CNTN5: variants seen among roughly 807,000 people sequenced by gnomAD.
The protein encoded by CNTN5 is contactin 5.
CNTN5 carries 77 observed loss-of-function variants against 129.1 expected under a neutral mutation model. That is an observed-to-expected ratio of 0.60 (90% CI 0.50 to 0.72). The LOEUF (loss-of-function observed/expected upper bound fraction) is 0.72. Ranked by LOEUF, CNTN5 falls within the 30% of genes least tolerant of loss-of-function variation. The pLI, the probability that CNTN5 is intolerant of heterozygous loss-of-function variation, is 0.00. For synonymous variants in CNTN5, 509 were observed against 465.6 expected (o/e 1.09, Z -1.20); for missense variants, 1,478 against 1,328.8 (o/e 1.11, Z -1.75).
At chr11:99,110,527 G>A (rs1591206981) in intron 1 of CNTN5, among the ~76,000 whole-genome samples, 1 of 152,066 alleles carries the variant, frequency 6.6e-6, no homozygotes, top group Non-Finnish European at 1.5e-5. Flanking sequence ...CAGCAAAGGT[G>A]GTACTTCTAC....
At position 99,064,328 on chromosome 11, in the gene CNTN5, A is replaced by G. The variant is rs185499074; in HGVS notation, c.-210+43058A>G. Among the ~76,000 whole-genome samples, 29 of 152,304 alleles carry G rather than the reference A, an allele frequency of 1.9e-4. No homozygotes were observed. The East Asian group carries it at 5.2e-3, about 27-fold the overall frequency. On this transcript the variant is annotated intron_variant, in intron 1 of 24. Coordinates refer to ENST00000524871, the MANE Select transcript of CNTN5 (RefSeq NM_014361.4). Reference sequence around the variant, plus strand: ...CATGATTTGCCAATTCATTCTGTGTACACATTTATAATTCTATTGGCATCA... The same window carrying G: ...CATGATTTGCCAATTCATTCTGTGTGCACATTTATAATTCTATTGGCATCA...
intron 2 of CNTN5, among the ~76,000 whole-genome samples, chr11:99,476,502 G>A (rs1397278096): frequency 6.6e-6 from 1 of 152,102 alleles, no homozygotes; most frequent in African/African-American, 2.4e-5. Context: ...ACGTAGATTT[G>A]TGATAGGAAA....
intron 3 of CNTN5, among the ~76,000 whole-genome samples, chr11:99,774,811 C>T (rs1015142624): frequency 2.6e-5 from 4 of 151,898 alleles, no homozygotes; most frequent in Non-Finnish European, 4.4e-5. Context: ...ATAATAAATC[C>T]GCTCTCCAGT....
At chr11:100,285,181 A>C (rs1950745891) in intron 18 of CNTN5, among the ~76,000 whole-genome samples, 1 of 152,252 alleles carries the variant, frequency 6.6e-6, no homozygotes, top group South Asian at 2.1e-4. Context: ...TATTAAATGG[A>C]AATTTACAAA....
At chr11:99,883,788 A>T (rs1948829972) in intron 6 of CNTN5, among the ~76,000 whole-genome samples, 1 of 152,200 alleles carries the variant, frequency 6.6e-6, no homozygotes, top group East Asian at 1.9e-4. Flanking sequence ...CCCCAAAACT[A>T]AATCAGCTTT....
chr11:100,300,417 A>T (rs1232350462), intron 20 of CNTN5, among the ~76,000 whole-genome samples: 1 of 151,498 alleles, frequency 6.6e-6, no homozygotes, highest in Non-Finnish European at 1.5e-5. Context: ...ATGACTGAGA[A>T]AATGTTCTAC....
At chr11:100,001,645 T>C (rs1939882715) in intron 8 of CNTN5, among the ~76,000 whole-genome samples, 1 of 152,242 alleles carries the variant, frequency 6.6e-6, no homozygotes, top group Admixed American at 6.5e-5. Flanking sequence ...GTGCATATTA[T>C]AGATATTCAA....
chr11:99,908,619 G>T (rs1949573668), intron 6 of CNTN5, among the ~76,000 whole-genome samples: 1 of 151,988 alleles, frequency 6.6e-6, no homozygotes, highest in African/African-American at 2.4e-5. Context: ...AGAGTTCATA[G>T]ACTATATTCA....
chr11:99,481,825 T>C (rs1023933107), intron 2 of CNTN5, among the ~76,000 whole-genome samples: 100 of 152,362 alleles, frequency 6.6e-4, no homozygotes, highest in Non-Finnish European at 1.1e-3. Flanking sequence ...ATTCTGTAGC[T>C]AAGCCTACCA....
chr11:99,925,398 G>C (rs538785773), intron 7 of CNTN5, among the ~76,000 whole-genome samples: 1 of 152,292 alleles, frequency 6.6e-6, no homozygotes, highest in East Asian at 1.9e-4. Flanking sequence ...TTAATCCTGA[G>C]CACTCAGCAA....
intron 15 of CNTN5, among the ~76,000 whole-genome samples, chr11:100,208,215 C>A (rs1233754605): frequency 1.3e-5 from 2 of 152,132 alleles, no homozygotes; most frequent in African/African-American, 4.8e-5. Flanking sequence ...ATAAACCTTG[C>A]AAAAACCTAG....
chr11:99,567,182 C>T (rs1949032651), intron 3 of CNTN5, among the ~76,000 whole-genome samples: 1 of 152,088 alleles, frequency 6.6e-6, no homozygotes, highest in Admixed American at 6.6e-5. Flanking sequence ...AGGACTGTCT[C>T]CTGTAGCAGC....
At chr11:100,086,226 T>C (rs1438875655) in intron 13 of CNTN5, among the ~76,000 whole-genome samples, 1 of 150,950 alleles carries the variant, frequency 6.6e-6, no homozygotes, top group Non-Finnish European at 1.5e-5. Flanking sequence ...ATATTTATTT[T>C]ATAGAAAAAT....
chr11:99,203,722 C>T (rs952879178), intron 1 of CNTN5, among the ~76,000 whole-genome samples: 11 of 151,972 alleles, frequency 7.2e-5, no homozygotes, highest in African/African-American at 1.5e-4. Context: ...ATAGGCCTCC[C>T]GAGTAGCTGG....
intron 1 of CNTN5, among the ~76,000 whole-genome samples, chr11:99,299,791 T>A (rs1186330485): frequency 6.6e-6 from 1 of 152,200 alleles, no homozygotes. Context: ...CACATTTTTT[T>A]AATCCAATCA....
intron 2 of CNTN5, among the ~76,000 whole-genome samples, chr11:99,466,990 A>G (rs1405922075): frequency 6.6e-6 from 1 of 152,188 alleles, no homozygotes; most frequent in Non-Finnish European, 1.5e-5. Context: ...GAATGTATTT[A>G]CTGAATGCAT....
chr11:99,986,213 C>G (rs991125341), intron 8 of CNTN5, among the ~76,000 whole-genome samples: 2 of 152,124 alleles, frequency 1.3e-5, no homozygotes, highest in Non-Finnish European at 2.9e-5. Context: ...TCTGTCAGCT[C>G]TCAACTCTCT....
At chr11:100,130,436 T>G (rs1321131881) in intron 13 of CNTN5, among the ~76,000 whole-genome samples, 1 of 152,092 alleles carries the variant, frequency 6.6e-6, no homozygotes, top group East Asian at 1.9e-4. Flanking sequence ...GTACAAAGAA[T>G]ATGGAAAAGA....
At chr11:99,226,903 C>T (rs1860716331) in intron 1 of CNTN5, among the ~76,000 whole-genome samples, 1 of 152,138 alleles carries the variant, frequency 6.6e-6, no homozygotes. Flanking sequence ...CTTTCTTGAT[C>T]ATTAGTTACC....
Sources: allele counts gnomAD v4.1 joint callset (sites outside exome capture counted in the v4.1 genomes callset), GRCh38; gene constraint gnomAD v4.1.1; transcripts MANE v1.5; gene names NCBI Gene and HGNC (gene_info 2026-07-23, HGNC 2026-07-21).